Variants in WWC1 observed in about 807,000 individuals in gnomAD.
WWC1 encodes WW and C2 domain containing 1.
WWC1 carries 55 observed loss-of-function variants against 138.4 expected under a neutral mutation model. The observed-to-expected ratio is 0.40, with a 90% CI of 0.32 to 0.50. WWC1 has a LOEUF of 0.50. Ranked by LOEUF, WWC1 falls within the 20% of genes least tolerant of loss-of-function variation. The pLI is 0.72. For synonymous variants in WWC1, 524 were observed against 564.9 expected (o/e 0.93, Z 1.03); for missense variants, 1,226 against 1,420.4 (o/e 0.86, Z 2.20).
chr5:168,294,542 A>C (rs1387997422), intron 1 of WWC1, among the ~76,000 whole-genome samples: 1 of 147,674 alleles, frequency 6.8e-6, no homozygotes. Flanking sequence ...GAGAGGCGGC[A>C]GAAACATAGT....
intron 3 of WWC1, 104 bp from the exon 4 acceptor site, chr5:168,397,615 GTTCAC>G: frequency 9.0e-7 from 1 of 1,110,554 alleles, no homozygotes; most frequent in Non-Finnish European, 1.3e-6. Flanking sequence ...CATTTAGGTT[GTTCAC>G]TTTTAGTCCT....
chr5:168,441,966 A>ATGCGG, intron 16 of WWC1, 132 bp downstream of exon 16: 1 of 1,336,230 alleles, frequency 7.5e-7, no homozygotes, highest in Non-Finnish European at 9.9e-7. Context: ...GTAGGAGAAG[A>ATGCGG]AGACAGGGAA....
intron 1 of WWC1, among the ~76,000 whole-genome samples, chr5:168,366,801 A>AC (rs1776328220): frequency 1.0e-5 from 1 of 98,930 alleles, no homozygotes; most frequent in Non-Finnish European, 2.0e-5. Flanking sequence ...ACTTTGAAAC[A>AC]CTTTTTTTTT....
At chr5:168,428,259 C>G in intron 12 of WWC1, 118 bp downstream of exon 12, 1 of 985,976 alleles carries the variant, frequency 1.0e-6, no homozygotes, top group Non-Finnish European at 1.5e-6. Context: ...GGGAGGAGCC[C>G]CAAGAGGGCA....
chr5:168,465,335 G>C (rs140284299), intron 21 of WWC1, among the ~76,000 whole-genome samples: 15 of 152,136 alleles, frequency 9.9e-5, no homozygotes, highest in African/African-American at 3.4e-4. Context: ...GACCTGCCTC[G>C]ATGCCTGCCC....
intron 5 of WWC1, among the ~76,000 whole-genome samples, chr5:168,403,436 T>C (rs2152834823): frequency 6.6e-6 from 1 of 152,238 alleles, no homozygotes; most frequent in South Asian, 2.1e-4. Context: ...TCACCTGTCA[T>C]GATTCTGATG....
rs1781120302 is a variant in WWC1, at chr5:168,421,949, A to G, written c.1185-59A>G. ...CCTGTGGGTCTGGGTGTACATGGGTAAGAGTGCATGCCTGTGCTTCCTTTT... is the reference window on the plus strand; with the variant it reads ...CCTGTGGGTCTGGGTGTACATGGGTGAGAGTGCATGCCTGTGCTTCCTTTT... On this transcript the variant is annotated intron_variant, in intron 9 of 22. Transcript: ENST00000265293. The G allele has an allele frequency of 2.8e-6, 4 of 1,454,400 alleles. No individual in the cohort carries two copies. The East Asian group carries it at 7.0e-5, about 25-fold the overall frequency. 90.1% of individuals were successfully genotyped at this position (1,454,400 alleles called of 1,614,324 possible). A position where few individuals can be genotyped will look rare whatever the true frequency, so the allele number is the denominator to read the frequency against.
intron 19 of WWC1, 83 bp downstream of exon 19, chr5:168,455,603 TCATGTTA>T: frequency 6.5e-7 from 1 of 1,538,152 alleles, no homozygotes; most frequent in Non-Finnish European, 8.8e-7. Context: ...CCCATTACTC[TCATGTTA>T]TTGGGTGACT....
At chr5:168,454,958 T>C (rs1420399159) in intron 18 of WWC1, among the ~76,000 whole-genome samples, 1 of 152,224 alleles carries the variant, frequency 6.6e-6, no homozygotes, top group African/African-American at 2.4e-5. Context: ...GCAACCGTAG[T>C]ACTTTGCCAG....
intron 2 of WWC1, among the ~76,000 whole-genome samples, chr5:168,383,587 G>C (rs1777813853): frequency 6.6e-6 from 1 of 152,210 alleles, no homozygotes; most frequent in African/African-American, 2.4e-5. Context: ...ACCAGGTTTT[G>C]ACAGATGGGG....
At position 168,355,494 on chromosome 5, in the gene WWC1, CAAAAAAA is replaced by C. The variant is rs564674062; in HGVS notation, c.120-15911_120-15905del. 3.8e-4 allele frequency among the ~76,000 whole-genome samples: 25 copies of C among 66,520 alleles called. No homozygotes were observed. The East Asian group carries it at 0.012, about 32-fold the overall frequency. 43.6% of individuals were successfully genotyped at this position (66,520 alleles called of 152,430 possible). ...GGGTGACAAGAGTGAGACTCCGTCT[CAAAAAAA>C]AAAAAAAAAAAAAAAAAACAGCATT... On this transcript the variant is annotated intron_variant, in intron 1 of 22. Transcript: ENST00000265293.
At chr5:168,420,767 G>T (rs1361872540) in intron 9 of WWC1, among the ~76,000 whole-genome samples, 1 of 152,112 alleles carries the variant, frequency 6.6e-6, no homozygotes. Context: ...AGCTGCTCCT[G>T]CAGCCCAGGC....
chr5:168,312,087 G>A (rs1250701703), intron 1 of WWC1, among the ~76,000 whole-genome samples: 2 of 150,806 alleles, frequency 1.3e-5, no homozygotes, highest in East Asian at 3.9e-4. Flanking sequence ...GCATTGTGGT[G>A]CATGCCTGTA....
chr5:168,381,779 C>G (rs1176986925), intron 2 of WWC1, among the ~76,000 whole-genome samples: 1 of 137,224 alleles, frequency 7.3e-6, no homozygotes, highest in Non-Finnish European at 1.5e-5. Context: ...TTTGAAGCTT[C>G]TCTGCTAATT....
At chr5:168,450,950 T>A (rs1374493133) in intron 17 of WWC1, among the ~76,000 whole-genome samples, 1 of 152,220 alleles carries the variant, frequency 6.6e-6, no homozygotes, top group Non-Finnish European at 1.5e-5. Context: ...AAAGGATTCA[T>A]AGCGCAAATA....
At chr5:168,461,254 C>T (rs1001648446) in intron 20 of WWC1, among the ~76,000 whole-genome samples, 6 of 151,160 alleles carry the variant, frequency 4.0e-5, no homozygotes, top group African/African-American at 9.8e-5. Context: ...ATCGCTTAAA[C>T]GCAGGAGGCA....
Position 168,414,494 on chromosome 5 carries a change from C to T in WWC1, c.1088C>T (p.Thr363Ile). The change falls in exon 9 of 23, where the codon ACC becomes ATC. Residue 363 changes from threonine to isoleucine, a missense_variant. By Grantham distance (89) the Thr-to-Ile change is moderately conservative. Around this residue, in one of 3 missense-constraint regions of WWC1, gnomAD observed 1,016 missense variants for 1,153.9 expected, o/e 0.88. Transcript: ENST00000265293. ...CGCTTCATCAGCCCCCGCAAGTGGA[C>T]CCAGGGGGAGGTGGAGCAGCTGGAG... Reference protein sequence around the residue: ...EMRFISPRKWTQGEVEQLEMA... With the variant: ...EMRFISPRKWIQGEVEQLEMA... 1.9e-6 allele frequency: 3 copies of T among 1,560,134 alleles called. No homozygotes were observed. Among genetic ancestry groups the T allele is most frequent in the South Asian group, 1.2e-5 (1 of 84,922 alleles).
chr5:168,428,906 G>T, intron 13 of WWC1, 119 bp downstream of exon 13: 2 of 1,008,638 alleles, frequency 2.0e-6, no homozygotes. Context: ...GCACCAGCAG[G>T]ACCTGCTGGC....
At chr5:168,367,540 C>T (rs1478810507) in intron 1 of WWC1, among the ~76,000 whole-genome samples, 1 of 149,096 alleles carries the variant, frequency 6.7e-6, no homozygotes, top group East Asian at 2.0e-4. Flanking sequence ...ACCGTGGTCT[C>T]GATCTCCTGA....
Sources: allele counts gnomAD v4.1 joint callset (sites outside exome capture counted in the v4.1 genomes callset), GRCh38; gene constraint gnomAD v4.1.1; regional missense constraint gnomAD v4.1.1; transcripts MANE v1.5; gene names NCBI Gene and HGNC (gene_info 2026-07-23, HGNC 2026-07-21).